CMC1: variants seen among roughly 807,000 people sequenced by gnomAD.
CMC1 encodes the protein C-X9-C motif containing 1.
Under a neutral mutation model 14.1 loss-of-function variants are expected in CMC1, and 14 were observed. The observed-to-expected ratio is 0.99, with a 90% CI of 0.66 to 1.55. CMC1 has a LOEUF of 1.55. Ranked by LOEUF, CMC1 falls within the 40% of genes most tolerant of loss-of-function variation. The pLI is 0.00. For synonymous variants in CMC1, 50 were observed against 38.4 expected, an observed-to-expected ratio of 1.30 and a Z score of -1.12; for missense variants, 127 against 123.8, an observed-to-expected ratio of 1.03 and a Z score of -0.12.
At chr3:28,263,554 A>G (rs940970650) in intron 2 of CMC1, among the ~76,000 whole-genome samples, 174 bp downstream of exon 2, 1 of 152,140 alleles carries the variant, frequency 6.6e-6, no homozygotes, top group Non-Finnish European at 1.5e-5. Context: ...TGTTCAATTC[A>G]TTTACAGTTT....
chr3:28,246,791 T>A (rs903425870), intron 1 of CMC1, among the ~76,000 whole-genome samples: 2 of 150,626 alleles, frequency 1.3e-5, no homozygotes, highest in Non-Finnish European at 1.5e-5. Context: ...TGATTTGGGG[T>A]CCATTGATTT....
At chr3:28,253,431 A>G (rs1326749762) in intron 1 of CMC1, among the ~76,000 whole-genome samples, 2 of 152,154 alleles carry the variant, frequency 1.3e-5, no homozygotes, top group Non-Finnish European at 2.9e-5. Flanking sequence ...ACATAAAAAA[A>G]TTAGCTTGAT....
At position 28,323,354 on chromosome 3, in the gene CMC1, AT is replaced by A. The variant is rs71626514; in HGVS notation, c.*3742del. On this transcript the variant is annotated 3_prime_UTR_variant, in exon 4 of 4. Transcript: ENST00000466830. The stretch of plus-strand genomic sequence containing the variant: ...CACCCCAGAGTTTTTCAACTATTTC[AT>A]TTTTTTTTTTTTTTTTCCCAATTAG... The A allele has an allele frequency of 8.9e-3, 1,184 of 132,770 alleles. 5 individuals are homozygous for A. Among genetic ancestry groups the A allele is most frequent in the East Asian group, 0.027 (121 of 4,548 alleles). The allele number at this position is 132,770 out of a possible 1,614,324, so 8.2% of individuals were successfully genotyped here.
chr3:28,260,771 A>G (rs1275408001), intron 1 of CMC1, among the ~76,000 whole-genome samples: 1 of 152,104 alleles, frequency 6.6e-6, no homozygotes, highest in Non-Finnish European at 1.5e-5. Context: ...GCATCACATA[A>G]ATTTTGATAT....
intron 1 of CMC1, among the ~76,000 whole-genome samples, chr3:28,247,158 A>G (rs1340595523): frequency 1.3e-5 from 2 of 152,092 alleles, no homozygotes; most frequent in Non-Finnish European, 2.9e-5. Context: ...CACACAAGGT[A>G]TCACTGCTTC....
rs1703112626 is a variant in CMC1 at position 28,319,516 on chromosome 3, G to A, written c.208G>A (p.Asp70Asn). 2.5e-6 allele frequency: 4 copies of A among 1,598,370 alleles called. No individual in the cohort carries two copies. The highest frequency in any genetic ancestry group is 3.4e-6 in the Non-Finnish European group (4 of 1,170,168). ...LKECLTAYYN[D>N]PAFYEECKME... ...TTCATTTCCTTCTCATAGCTATAAT[G>A]ATCCAGCCTTTTATGAAGAATGCAA... Residue 70 changes from aspartate to asparagine, a missense_variant, in exon 4 of 4, where the codon GAT (aspartate) becomes AAT (asparagine). Asp to Asn is a conservative substitution (Grantham distance 23). Coordinates refer to ENST00000466830, the MANE Select transcript of CMC1 (RefSeq NM_182523.2).
At chr3:28,263,448 G>C in intron 2 of CMC1, 68 bp downstream of exon 2, 3 of 1,044,384 alleles carry the variant, frequency 2.9e-6, no homozygotes, top group Non-Finnish European at 4.2e-6. Context: ...TTAATCCTTA[G>C]CCCCAGAATC....
intron 2 of CMC1, among the ~76,000 whole-genome samples, chr3:28,282,060 G>A (rs1307275201): frequency 6.6e-6 from 1 of 152,130 alleles, no homozygotes; most frequent in African/African-American, 2.4e-5. Context: ...TTTGAAATCT[G>A]TTCTTTCTAC....
intron 2 of CMC1, among the ~76,000 whole-genome samples, chr3:28,282,098 C>A (rs1020554157): frequency 2.6e-5 from 4 of 152,022 alleles, no homozygotes; most frequent in Non-Finnish European, 4.4e-5. Context: ...TTTCCTCTTT[C>A]TCTTCTGTGT....
intron 2 of CMC1, among the ~76,000 whole-genome samples, chr3:28,303,378 T>C (rs992660762): frequency 6.6e-5 from 10 of 152,202 alleles, no homozygotes; most frequent in Non-Finnish European, 1.5e-4. Flanking sequence ...TTCCTAGTGT[T>C]TTAACTGCTT....
intron 2 of CMC1, among the ~76,000 whole-genome samples, chr3:28,268,460 A>G (rs1172313260): frequency 2.0e-5 from 3 of 152,144 alleles, no homozygotes; most frequent in African/African-American, 7.2e-5. Flanking sequence ...CAGAATTTTT[A>G]TTGAGAATTT....
intron 2 of CMC1, among the ~76,000 whole-genome samples, chr3:28,284,999 CTG>C (rs1160237715): frequency 1.3e-5 from 2 of 152,306 alleles, no homozygotes; most frequent in South Asian, 2.1e-4. Flanking sequence ...TCTTCCTACT[CTG>C]TGTTCCATCA....
chr3:28,249,103 T>G (rs571645393), intron 1 of CMC1, among the ~76,000 whole-genome samples: 1 of 152,346 alleles, frequency 6.6e-6, no homozygotes, highest in South Asian at 2.1e-4. Context: ...TTTTGCATTT[T>G]TAAGTAAGAA....
intron 2 of CMC1, among the ~76,000 whole-genome samples, chr3:28,310,160 C>G (rs1702565523): frequency 6.6e-6 from 1 of 152,146 alleles, no homozygotes; most frequent in African/African-American, 2.4e-5. Context: ...CATTGGAATT[C>G]CCTCCTGAGT....
chr3:28,269,604 T>G (rs2125481130), intron 2 of CMC1, among the ~76,000 whole-genome samples: 1 of 152,186 alleles, frequency 6.6e-6, no homozygotes, highest in South Asian at 2.1e-4. Flanking sequence ...CTCTCTCTGT[T>G]GCCTAAGCTG....
chr3:28,324,466 A>G lies in CMC1; in HGVS notation c.*4837A>G, dbSNP rs377409936. On this transcript the variant is annotated 3_prime_UTR_variant, in exon 4 of 4. Coordinates refer to ENST00000466830, the MANE Select transcript of CMC1 (RefSeq NM_182523.2). ...TACAGGGGCACAGGCTAAAAAGAAAACACAGACTAAATGTCAGTTTTCATT... is the reference window on the plus strand; with the variant it reads ...TACAGGGGCACAGGCTAAAAAGAAAGCACAGACTAAATGTCAGTTTTCATT... The G allele has an allele frequency of 3.7e-5, 54 of 1,451,150 alleles. No individual in the cohort carries two copies. The highest frequency in any genetic ancestry group is 4.8e-5 in the Non-Finnish European group (53 of 1,095,366). The allele number at this position is 1,451,150 out of a possible 1,614,324, so 89.9% of individuals were successfully genotyped here.
rs746426019 is a variant in CMC1, at chr3:28,319,264, G to T, written c.201-245G>T. The T allele has an allele frequency of 2.0e-5, 11 of 540,892 alleles. No homozygotes were observed. In the Middle Eastern group the frequency reaches 2.0e-3, roughly 97 times the overall value. The allele number at this position is 540,892 out of a possible 1,614,324, so 33.5% of individuals were successfully genotyped here. A position where few individuals can be genotyped will look rare whatever the true frequency, so the allele number is the denominator to read the frequency against. The stretch of plus-strand genomic sequence containing the variant: ...GTCTTTACTTGTCCTTTACACCGTG[G>T]GTTCCCAGGACAGGAGCTGTGCTTC... On this transcript the variant is annotated intron_variant, in intron 3 of 3. Coordinates refer to ENST00000466830, the MANE Select transcript of CMC1 (RefSeq NM_182523.2).
intron 3 of CMC1, chr3:28,319,039 T>C (rs907482338): frequency 5.8e-6 from 2 of 345,392 alleles, no homozygotes; most frequent in African/African-American, 4.3e-5. Flanking sequence ...ACCTATCTAC[T>C]TGGCAGGTTT....
Position 28,263,288 on chromosome 3 carries a change from C to A in CMC1, c.20-3C>A. 6.4e-7 allele frequency: 1 copy of A among 1,552,114 alleles called. No individual in the cohort carries two copies. Among genetic ancestry groups the A allele is most frequent in the Non-Finnish European group, 8.7e-7 (1 of 1,151,390 alleles). ...TATTAAAGAAAGATCTTTTTTTTTTCAGACCAGCATCTCAGACATGTCGAA... is the reference window on the plus strand; with the variant it reads ...TATTAAAGAAAGATCTTTTTTTTTTAAGACCAGCATCTCAGACATGTCGAA... On this transcript the variant is annotated splice_polypyrimidine_tract_variant and splice_region_variant and intron_variant, in intron 1 of 3. Transcript: ENST00000466830.
Sources: allele counts gnomAD v4.1 joint callset (sites outside exome capture counted in the v4.1 genomes callset), GRCh38; gene constraint gnomAD v4.1.1; transcripts MANE v1.5; gene names NCBI Gene and HGNC (gene_info 2026-07-23, HGNC 2026-07-21).